WDR41: variants seen among roughly 807,000 people sequenced by gnomAD.
The protein encoded by WDR41 is WD repeat-containing protein 41.
Under a neutral mutation model 69.3 loss-of-function variants are expected in WDR41, and 63 were observed. The ratio of observed to expected loss-of-function variants is 0.91; its 90% CI spans 0.74 to 1.12. The LOEUF is 1.12. Among genes scored for constraint, WDR41 ranks in the 50% most tolerant of loss-of-function variants. WDR41 has a pLI of 0.00. For missense variants in WDR41, 543 were observed against 534.5 expected (o/e 1.02, Z -0.16); for synonymous variants, 185 against 192.1 (o/e 0.96, Z 0.31).
chr5:77,469,325 G>A (rs912895406), intron 2 of WDR41, among the ~76,000 whole-genome samples: 25 of 152,034 alleles, frequency 1.6e-4, no homozygotes, highest in Admixed American at 9.2e-4. Context: ...ACACCAACAC[G>A]GCACATGTAT....
chr5:77,567,994 T>A (rs1401308851), intron 1 of WDR41, among the ~76,000 whole-genome samples: 9 of 151,396 alleles, frequency 5.9e-5, no homozygotes, highest in Non-Finnish European at 1.3e-4. Context: ...CAAGAGATCT[T>A]TTTTTTTCTT....
At chr5:77,584,467 A>T (rs1340980367) in intron 1 of WDR41, among the ~76,000 whole-genome samples, 1 of 152,228 alleles carries the variant, frequency 6.6e-6, no homozygotes, top group Non-Finnish European at 1.5e-5. Flanking sequence ...AAAGCAATTT[A>T]ATTTATAATA....
intron 1 of WDR41, among the ~76,000 whole-genome samples, chr5:77,519,245 A>G (rs1802337444): frequency 2.6e-5 from 4 of 151,914 alleles, no homozygotes; most frequent in African/African-American, 9.7e-5. Context: ...TGCATACATA[A>G]TGAGTTTTAA....
At chr5:77,434,356 T>C (rs1323042634) in intron 12 of WDR41, among the ~76,000 whole-genome samples, 1 of 152,048 alleles carries the variant, frequency 6.6e-6, no homozygotes, top group African/African-American at 2.4e-5. Context: ...TATACATTTC[T>C]GAAGACCACA....
At chr5:77,595,267 ATCAAGT>A (rs1744207879) in intron 1 of WDR41, among the ~76,000 whole-genome samples, 1 of 152,232 alleles carries the variant, frequency 6.6e-6, no homozygotes, top group Non-Finnish European at 1.5e-5. Context: ...GACCAATAAG[ATCAAGT>A]TCAACTATAA....
intron 1 of WDR41, among the ~76,000 whole-genome samples, chr5:77,595,151 T>A: frequency 1.4e-5 from 1 of 71,648 alleles, no homozygotes; most frequent in South Asian, 4.7e-4. Context: ...ATTTAAGGTC[T>A]TCTTCGTGCT....
intron 1 of WDR41, among the ~76,000 whole-genome samples, chr5:77,546,729 T>C (rs1325767656): frequency 6.6e-6 from 1 of 152,066 alleles, no homozygotes; most frequent in Non-Finnish European, 1.5e-5. Flanking sequence ...ATTGACACTA[T>C]TCCACAAGAT....
chr5:77,546,212 C>G (rs1042882942), intron 1 of WDR41: 2 of 411,136 alleles, frequency 4.9e-6, no homozygotes, highest in Non-Finnish European at 8.7e-6. Context: ...TCGTCAAGAC[C>G]CACTCTAGAG....
intron 1 of WDR41, among the ~76,000 whole-genome samples, chr5:77,569,042 T>C (rs968595435): frequency 1.3e-5 from 2 of 152,174 alleles, no homozygotes; most frequent in Non-Finnish European, 2.9e-5. Context: ...TTCCCACTGT[T>C]CAAGCACTTT....
At chr5:77,502,447 T>G (rs948668323) in intron 1 of WDR41, among the ~76,000 whole-genome samples, 4 of 152,072 alleles carry the variant, frequency 2.6e-5, no homozygotes, top group Admixed American at 2.6e-4. Context: ...AAAACACTCT[T>G]CAGGATATTA....
At position 77,512,979 on chromosome 5, in the gene WDR41, C is replaced by T. The variant is rs146513627; in HGVS notation, c.43-23407G>A. Among the ~76,000 whole-genome samples the T allele has an allele frequency of 1.3e-3, 193 of 152,158 alleles. 1 individual carries two copies. The highest frequency in any genetic ancestry group is 4.6e-3 in the South Asian group (22 of 4,824). On this transcript the variant is annotated intron_variant, in intron 1 of 5. Transcript: ENST00000509971. ...AGCAATGGAAATTTCCTGATTAAGA[C>T]GGAATGAAAAGGCTTATCGTTTTCC...
At chr5:77,588,810 T>C (rs1184935653) in intron 1 of WDR41, among the ~76,000 whole-genome samples, 2 of 152,226 alleles carry the variant, frequency 1.3e-5, no homozygotes, top group Admixed American at 1.3e-4. Flanking sequence ...AAATCTTTAA[T>C]ATTATTGTTG....
intron 9 of WDR41, among the ~76,000 whole-genome samples, chr5:77,439,636 G>A (rs1799081740): frequency 6.6e-6 from 1 of 152,186 alleles, no homozygotes; most frequent in Non-Finnish European, 1.5e-5. Flanking sequence ...TTTACTCAAT[G>A]GGGATGCTAT....
At chr5:77,509,417 A>G (rs1004174625) in intron 1 of WDR41, among the ~76,000 whole-genome samples, 4 of 152,204 alleles carry the variant, frequency 2.6e-5, no homozygotes, top group Admixed American at 6.5e-5. Context: ...AAACTTGTAC[A>G]TGTATGTTTA....
intron 1 of WDR41, among the ~76,000 whole-genome samples, chr5:77,526,711 T>C (rs1029520532): frequency 2.0e-5 from 3 of 152,140 alleles, no homozygotes; most frequent in African/African-American, 7.2e-5. Flanking sequence ...CTCCAGTCTA[T>C]TAAAATTACA....
At chr5:77,617,239 CTTAAAT>C (rs931745110) in intron 1 of WDR41, among the ~76,000 whole-genome samples, 1 of 152,196 alleles carries the variant, frequency 6.6e-6, no homozygotes, top group African/African-American at 2.4e-5. Flanking sequence ...TTTTATCTAA[CTTAAAT>C]TTAAATAGCC....
intron 1 of WDR41, among the ~76,000 whole-genome samples, chr5:77,575,583 G>T (rs1448521876): frequency 6.6e-6 from 1 of 152,174 alleles, no homozygotes; most frequent in East Asian, 1.9e-4. Context: ...CACCAAATAA[G>T]TTGCAGGTGT....
intron 2 of WDR41, among the ~76,000 whole-genome samples, chr5:77,472,376 C>A (rs335649): frequency 0.085 from 12,882 of 151,372 alleles, 777 homozygotes; most frequent in South Asian, 0.21. Flanking sequence ...GACAGGGATG[C>A]CCTCTCTCAC....
At chr5:77,436,969 A>C (rs896723642) in intron 11 of WDR41, among the ~76,000 whole-genome samples, 1 of 152,340 alleles carries the variant, frequency 6.6e-6, no homozygotes, top group East Asian at 1.9e-4. Context: ...ATTAAGTTCA[A>C]CATCAAGGGT....
Sources: gnomAD v4.1 joint callset for allele counts (sites outside exome capture counted in the v4.1 genomes callset) on GRCh38, gnomAD v4.1.1 for gene constraint, MANE v1.5 for transcripts, NCBI Gene and HGNC (gene_info 2026-07-23, HGNC 2026-07-21) for gene names.